Variants in CSMD1 observed in about 807,000 individuals in gnomAD.
The protein encoded by CSMD1 is CUB and sushi domain-containing protein 1.
Under a neutral mutation model 417.5 loss-of-function variants are expected in CSMD1, and 213 were observed. That is an observed-to-expected ratio of 0.51 (90% confidence interval 0.46 to 0.57). The LOEUF is 0.57. Among genes scored for constraint, CSMD1 ranks in the 20% least tolerant of loss-of-function variants. The pLI, the probability that CSMD1 is intolerant of heterozygous loss-of-function variation, is 0.00. For synonymous variants in CSMD1, 2,862 were observed against 1,736.8 expected (o/e 1.65, Z -16.11); for missense variants, 6,923 against 4,529.7 (o/e 1.53, Z -15.17).
chr8:3,243,672 A>G (rs567325952), intron 26 of CSMD1, among the ~76,000 whole-genome samples: 181 of 152,180 alleles, frequency 1.2e-3, no homozygotes, highest in African/African-American at 4.2e-3. Flanking sequence ...TGCAGGTCAC[A>G]GGGGATATGA....
At chr8:3,538,217 C>A (rs1259933517) in intron 10 of CSMD1, among the ~76,000 whole-genome samples, 1 of 152,252 alleles carries the variant, frequency 6.6e-6, no homozygotes, top group East Asian at 1.9e-4. Context: ...GCACCATCAG[C>A]TGGAACTGAG....
chr8:3,624,736 C>T (rs1796411689), intron 7 of CSMD1, among the ~76,000 whole-genome samples: 1 of 152,314 alleles, frequency 6.6e-6, no homozygotes, highest in African/African-American at 2.4e-5. Context: ...TTGAGGGACA[C>T]TCTAGACTTC....
intron 3 of CSMD1, among the ~76,000 whole-genome samples, chr8:4,127,739 T>C (rs555347087): frequency 6.6e-6 from 1 of 152,348 alleles, no homozygotes; most frequent in East Asian, 1.9e-4. Context: ...GCATTTACTA[T>C]GTGCCAGCTA....
rs183392887 is a variant in CSMD1, at chr8:4,850,271, A to G, written c.85+144061T>C. Among the ~76,000 whole-genome samples, 363 of 151,842 alleles carry G rather than the reference A, an allele frequency of 2.4e-3. 1 individual carries two copies. Among genetic ancestry groups the G allele is most frequent in the Non-Finnish European group, 4.1e-3 (281 of 67,996 alleles). On this transcript the variant is annotated intron_variant, in intron 1 of 69. Transcript: ENST00000635120. ...TCTATGTTCTAGATGCAAATCCTTT[A>G]TCAGATACACAATCCCCAAACATTT...
Position 4,612,387 on chromosome 8 carries a change from A to G in CSMD1, c.302+24955T>C, listed in dbSNP as rs72507691. Among the ~76,000 whole-genome samples, 1,089 of 152,338 alleles carry G rather than the reference A, an allele frequency of 7.1e-3. 101 individuals carry two copies. The East Asian group carries it at 0.18, about 25-fold the overall frequency. On this transcript the variant is annotated intron_variant, in intron 2 of 69. Transcript: ENST00000635120. ...AGAGGAATGGTTTTCCAATCGTACA[A>G]GTCTACACTGGAATTCCAAATGATT...
intron 5 of CSMD1, among the ~76,000 whole-genome samples, chr8:3,994,922 T>C (rs757253090): frequency 6.6e-6 from 1 of 152,178 alleles, no homozygotes; most frequent in Non-Finnish European, 1.5e-5. Flanking sequence ...TGGAAGATCA[T>C]ATGTGTATCT....
At chr8:3,572,045 T>A (rs1298866389) in intron 10 of CSMD1, among the ~76,000 whole-genome samples, 6 of 152,144 alleles carry the variant, frequency 3.9e-5, no homozygotes, top group African/African-American at 1.4e-4. Flanking sequence ...GGAAAGAAAT[T>A]CCACCTGTGA....
intron 1 of CSMD1, among the ~76,000 whole-genome samples, chr8:4,690,196 T>C (rs1771234817): frequency 6.6e-6 from 1 of 152,190 alleles, no homozygotes; most frequent in South Asian, 2.1e-4. Flanking sequence ...TCAGTGCAGT[T>C]TTTTCTCTTT....
At chr8:4,098,518 C>T (rs535716360) in intron 3 of CSMD1, among the ~76,000 whole-genome samples, 7 of 152,126 alleles carry the variant, frequency 4.6e-5, no homozygotes, top group South Asian at 4.2e-4. Context: ...TACCCAGCTG[C>T]GAAGTCAACC....
intron 33 of CSMD1, among the ~76,000 whole-genome samples, chr8:3,198,992 T>G (rs1404778018): frequency 6.6e-6 from 1 of 152,200 alleles, no homozygotes; most frequent in Non-Finnish European, 1.5e-5. Flanking sequence ...TCTCAACCTT[T>G]ACAGTCATGA....
intron 3 of CSMD1, among the ~76,000 whole-genome samples, chr8:4,146,592 ACATTTTTTTTTT>A (rs201894296): frequency 0.045 from 2,569 of 56,810 alleles, 289 homozygotes; most frequent in African/African-American, 0.11. Flanking sequence ...TTATATGGAC[ACATTTTTTTTTT>A]TTTTTTTTTT....
chr8:4,056,030 G>T (rs982995612), intron 3 of CSMD1, among the ~76,000 whole-genome samples: 1 of 150,384 alleles, frequency 6.6e-6, no homozygotes, highest in African/African-American at 2.4e-5. Context: ...TTTCCTCCTG[G>T]GAAAATTGAA....
At chr8:4,141,864 T>G (rs1803811966) in intron 3 of CSMD1, among the ~76,000 whole-genome samples, 1 of 151,068 alleles carries the variant, frequency 6.6e-6, no homozygotes, top group Admixed American at 6.6e-5. Flanking sequence ...ATTTAGATAT[T>G]GAGAGTACCA....
chr8:3,620,727 A>G (rs377028051), intron 7 of CSMD1, among the ~76,000 whole-genome samples: 2 of 152,226 alleles, frequency 1.3e-5, no homozygotes, highest in East Asian at 3.8e-4. Context: ...AACATAGAGG[A>G]TAACAGTAAT....
chr8:3,716,558 C>G (rs1328413422), intron 6 of CSMD1, among the ~76,000 whole-genome samples: 1 of 152,140 alleles, frequency 6.6e-6, no homozygotes, highest in Non-Finnish European at 1.5e-5. Context: ...CTCTCGTCCC[C>G]GTCTTGGTTT....
In CSMD1 at chr8:4,198,412, T is replaced by C. The variant is rs180922472; in HGVS notation, c.416-166313A>G. On this transcript the variant is annotated intron_variant, in intron 3 of 69. Transcript: ENST00000635120. ...ACAGAGACTTTTCAGAATTTTCAGA[T>C]TGGCAATATAGATAAGCCATACCTG... Among the ~76,000 whole-genome samples, 10 of 152,300 alleles carry C rather than the reference T, an allele frequency of 6.6e-5. No individual in the cohort carries two copies. In the East Asian group the frequency reaches 9.7e-4, roughly 15 times the overall value.
chr8:4,241,500 T>A (rs539000413), intron 3 of CSMD1, among the ~76,000 whole-genome samples: 4 of 152,294 alleles, frequency 2.6e-5, no homozygotes, highest in East Asian at 1.9e-4. Flanking sequence ...TGTCTTTGAA[T>A]GTCTGTGCCC....
At chr8:3,867,678 C>G (rs1805196590) in intron 5 of CSMD1, among the ~76,000 whole-genome samples, 1 of 152,002 alleles carries the variant, frequency 6.6e-6, no homozygotes, top group South Asian at 2.1e-4. Flanking sequence ...TCACAGAAAC[C>G]TAGAACCATG....
At chr8:4,185,060 G>C (rs988409926) in intron 3 of CSMD1, among the ~76,000 whole-genome samples, 40 of 146,584 alleles carry the variant, frequency 2.7e-4, no homozygotes, top group African/African-American at 9.9e-4. Flanking sequence ...AATGGCTAGA[G>C]CCTGGGAGGC....
Sources: gnomAD v4.1 joint callset for allele counts (sites outside exome capture counted in the v4.1 genomes callset) on GRCh38, gnomAD v4.1.1 for gene constraint, MANE v1.5 for transcripts, NCBI Gene and HGNC (gene_info 2026-07-23, HGNC 2026-07-21) for gene names.